The following ZSWIM5 variants were observed in gnomAD, a reference collection of about 807,000 sequenced individuals.
ZSWIM5 encodes zinc finger SWIM-type containing 5, also known as zinc finger SWIM domain-containing protein 5.
In ZSWIM5, 55 loss-of-function variants were observed where a neutral mutation model predicts 119.6. That is an observed-to-expected ratio of 0.46 (90% CI 0.37 to 0.58). The LOEUF (loss-of-function observed/expected upper bound fraction) is 0.58, where lower values mean the gene tolerates loss of function less well. Ranked by LOEUF, ZSWIM5 falls within the 20% of genes least tolerant of loss-of-function variation. The pLI is 0.00. For synonymous variants in ZSWIM5, 537 were observed against 606.9 expected, an observed-to-expected ratio of 0.88 and a Z score of 1.69; for missense variants, 1,193 against 1,512.8, an observed-to-expected ratio of 0.79 and a Z score of 3.51.
intron 2 of ZSWIM5, among the ~76,000 whole-genome samples, chr1:45,080,977 C>T (rs1645286280): frequency 2.0e-5 from 3 of 152,086 alleles, no homozygotes; most frequent in Admixed American, 6.6e-5. Context: ...CAGAGCAAAG[C>T]TTGGATCTGT....
At chr1:45,200,870 GT>G (rs1646154204) in intron 1 of ZSWIM5, among the ~76,000 whole-genome samples, 1 of 152,162 alleles carries the variant, frequency 6.6e-6, no homozygotes, top group South Asian at 2.1e-4. Flanking sequence ...ATGAGAAGCT[GT>G]TATGGGCTGA....
In ZSWIM5 at chr1:45,035,765, G is replaced by C. The variant is rs1644979464; in HGVS notation, c.2214C>G (p.Thr738=). Residue 738 remains threonine (T), a synonymous_variant, in exon 10 of 14, where the codon ACC becomes ACG. Transcript: ENST00000359600. ...GAGCTGAGAACAAATACTTGGCAAA[G>C]GTATGCATGGGAACACTCTCTCGGT... ...VIHRESVPMH[T]FAKYLFSALL... 4 of 1,613,850 alleles carry C rather than the reference G, an allele frequency of 2.5e-6. No homozygotes were observed. The highest frequency in any genetic ancestry group is 2.5e-6 in the Non-Finnish European group (3 of 1,180,012).
At chr1:45,040,038 A>G (rs1211485648) in intron 7 of ZSWIM5, among the ~76,000 whole-genome samples, 1 of 151,040 alleles carries the variant, frequency 6.6e-6, no homozygotes, top group African/African-American at 2.4e-5. Context: ...GGGTCTCACC[A>G]TGTTGCCCAG....
Position 45,035,815 on chromosome 1 carries a change from A to T in ZSWIM5, c.2164T>A (p.Phe722Ile). ...QCILLLEGGP[F>I]SGLGEVIHRE... ...TGGATGACTTCTCCCAGACCGCTGA[A>T]AGGACCTCCTGGAGGAAGATAAGCC... The change falls in exon 10 of 14, where the codon TTC becomes ATC. Residue 722 changes from phenylalanine (F) to isoleucine (I), a missense_variant. This residue lies in a region of ZSWIM5 where 961 missense variants were observed against 1,290.0 expected (regional missense o/e 0.74). Transcript: ENST00000359600. The T allele has an allele frequency of 6.2e-7, 1 of 1,613,330 alleles. No homozygotes were observed. Among genetic ancestry groups the T allele is most frequent in the Non-Finnish European group, 8.5e-7 (1 of 1,179,866 alleles).
At chr1:45,133,659 G>A (rs1223762596) in intron 1 of ZSWIM5, among the ~76,000 whole-genome samples, 2 of 152,012 alleles carry the variant, frequency 1.3e-5, no homozygotes, top group Non-Finnish European at 2.9e-5. Context: ...CATTGCTTTT[G>A]GTGTTTTAGA....
At chr1:45,103,414 T>C (rs1008697593) in intron 1 of ZSWIM5, among the ~76,000 whole-genome samples, 1 of 152,212 alleles carries the variant, frequency 6.6e-6, no homozygotes, top group Admixed American at 6.5e-5. Flanking sequence ...ATAAGAGAGA[T>C]AGAAGAACTT....
chr1:45,183,764 A>G lies in ZSWIM5; in HGVS notation c.595+21992T>C, dbSNP rs4417120. Among the ~76,000 whole-genome samples the G allele has an allele frequency of 4.6e-3, 698 of 152,338 alleles. 8 individuals carry two copies. Among genetic ancestry groups the G allele is most frequent in the African/African-American group, 0.016 (657 of 41,572 alleles). ...AAATTGTGGCAATAATCAATAGCTT[A>G]CCAACCAAAAAGAGTCCAGGACCAG... On this transcript the variant is annotated intron_variant, in intron 1 of 13. Transcript: ENST00000359600.
At chr1:45,102,086 AAC>A in intron 1 of ZSWIM5, among the ~76,000 whole-genome samples, 1 of 152,240 alleles carries the variant, frequency 6.6e-6, no homozygotes, top group Non-Finnish European at 1.5e-5. Context: ...TCTGTTACCT[AAC>A]AGTCTGGCAT....
chr1:45,155,498 T>C (rs1645821801), intron 1 of ZSWIM5, among the ~76,000 whole-genome samples: 1 of 152,076 alleles, frequency 6.6e-6, no homozygotes, highest in South Asian at 2.1e-4. Flanking sequence ...AAAGTAGAAC[T>C]ACCATTTCAG....
chr1:45,143,008 C>CAAA (rs754052253), intron 1 of ZSWIM5, among the ~76,000 whole-genome samples: 10 of 114,338 alleles, frequency 8.7e-5, no homozygotes, highest in African/African-American at 3.2e-4. Flanking sequence ...CTGTCTCTAC[C>CAAA]AAAAAAAAAA....
At position 45,048,661 on chromosome 1, in the gene ZSWIM5, A is replaced by G. The variant is rs74070839; in HGVS notation, c.1432+2413T>C. Among the ~76,000 whole-genome samples, 1,047 of 152,190 alleles carry G rather than the reference A, an allele frequency of 6.9e-3. 12 individuals carry two copies. The highest frequency in any genetic ancestry group is 0.023 in the African/African-American group (938 of 41,520). ...GTAACTGGTGATGCATGAAATTGAG[A>G]TTATGAAGAGGGTGTAGTTTTTGGT... On this transcript the variant is annotated intron_variant, in intron 5 of 13. Coordinates refer to ENST00000359600, the MANE Select transcript of ZSWIM5 (RefSeq NM_020883.2).
At chr1:45,172,914 A>G (rs375157037) in intron 1 of ZSWIM5, among the ~76,000 whole-genome samples, 1 of 152,226 alleles carries the variant, frequency 6.6e-6, no homozygotes, top group East Asian at 1.9e-4. Context: ...CTATAATCCC[A>G]ATGCTTTCGG....
intron 1 of ZSWIM5, among the ~76,000 whole-genome samples, chr1:45,185,743 A>G (rs918658428): frequency 5.3e-5 from 8 of 152,238 alleles, no homozygotes; most frequent in African/African-American, 1.7e-4. Flanking sequence ...ATTAGAAGTC[A>G]GGAAACAACG....
chr1:45,122,615 T>C (rs532542745), intron 1 of ZSWIM5, among the ~76,000 whole-genome samples: 3 of 152,324 alleles, frequency 2.0e-5, no homozygotes, highest in Admixed American at 2.0e-4. Context: ...GTTTTCTTTT[T>C]GTTTCATATA....
At chr1:45,030,300 T>G (rs1349850879) in intron 11 of ZSWIM5, among the ~76,000 whole-genome samples, 1 of 152,032 alleles carries the variant, frequency 6.6e-6, no homozygotes, top group Non-Finnish European at 1.5e-5. Context: ...CAGGCTGGAG[T>G]GCAGTGGCGC....
At chr1:45,115,078 T>C (rs1426111520) in intron 1 of ZSWIM5, among the ~76,000 whole-genome samples, 2 of 152,368 alleles carry the variant, frequency 1.3e-5, no homozygotes, top group Admixed American at 1.3e-4. Flanking sequence ...CCGATTTCTC[T>C]TTCTTTTCCC....
intron 1 of ZSWIM5, among the ~76,000 whole-genome samples, chr1:45,138,684 G>C (rs1331621253): frequency 6.6e-6 from 1 of 151,978 alleles, no homozygotes; most frequent in African/African-American, 2.4e-5. Context: ...GGCCACTGGT[G>C]ATTAGCTCAA....
Position 45,206,188 on chromosome 1 carries a change from C to T in ZSWIM5, c.163G>A (p.Gly55Arg). 1.2e-6 allele frequency: 2 copies of T among 1,604,316 alleles called. No individual in the cohort carries two copies. The highest frequency in any genetic ancestry group is 1.7e-6 in the Non-Finnish European group (2 of 1,176,566). ...GGVGSSCLVL[G>R]ARPHLQPDSL... is the part of the protein sequence containing the mutation. ...TCCGGCTGCAGGTGGGGGCGGGCCC[C>T]GAGGACCAGGCAGCTGCTGCCGACG... Residue 55 changes from glycine (G) to arginine (R), a missense_variant, in exon 1 of 14, where the codon GGG (glycine) becomes AGG (arginine). This residue lies in a region of ZSWIM5 where 232 missense variants were observed against 222.9 expected (regional missense o/e 1.04). Transcript: ENST00000359600.
intron 2 of ZSWIM5, among the ~76,000 whole-genome samples, chr1:45,083,533 A>G (rs1414801943): frequency 6.6e-6 from 1 of 152,182 alleles, no homozygotes; most frequent in Admixed American, 6.5e-5. Flanking sequence ...TACAAGCGTT[A>G]GCCACCATGC....
Sources: allele counts gnomAD v4.1 joint callset (sites outside exome capture counted in the v4.1 genomes callset), GRCh38; gene constraint gnomAD v4.1.1; regional missense constraint gnomAD v4.1.1; transcripts MANE v1.5; gene names NCBI Gene and HGNC (gene_info 2026-07-23, HGNC 2026-07-21).